The following TMTC1 variants were observed in gnomAD, a reference collection of about 807,000 sequenced individuals.
TMTC1 encodes the protein transmembrane O-mannosyltransferase targeting cadherins 1.
A neutral mutation model predicts 104.8 loss-of-function variants in TMTC1; 73 were observed. That is an observed-to-expected ratio of 0.70 (90% CI 0.58 to 0.85). The LOEUF (loss-of-function observed/expected upper bound fraction) is 0.85. Among genes scored for constraint, TMTC1 ranks in the 40% least tolerant of loss-of-function variants. The pLI, the probability that TMTC1 is intolerant of heterozygous loss-of-function variation, is 0.00. For missense variants in TMTC1, 1,035 were observed against 1,096.1 expected, an observed-to-expected ratio of 0.94 and a Z score of 0.79; for synonymous variants, 434 against 428.7, an observed-to-expected ratio of 1.01 and a Z score of -0.15.
chr12:29,705,382 C>A (rs1190975986), intron 5 of TMTC1, among the ~76,000 whole-genome samples: 1 of 152,202 alleles, frequency 6.6e-6, no homozygotes, highest in African/African-American at 2.4e-5. Context: ...ACAGGAAAAG[C>A]TCTGAAAACA....
At chr12:29,671,907 G>C (rs756085407) in intron 5 of TMTC1, among the ~76,000 whole-genome samples, 4 of 152,196 alleles carry the variant, frequency 2.6e-5, no homozygotes, top group Non-Finnish European at 5.9e-5. Flanking sequence ...CAAGGGGAGA[G>C]GTGCCCCAGG....
At chr12:29,708,125 C>T (rs1941799992) in intron 5 of TMTC1, among the ~76,000 whole-genome samples, 3 of 152,144 alleles carry the variant, frequency 2.0e-5, no homozygotes, top group Non-Finnish European at 4.4e-5. Flanking sequence ...CAAGACAAGC[C>T]TTGACCTCCA....
Position 29,583,480 on chromosome 12 carries a change from A to G in TMTC1, c.1345T>C (p.Leu449=). 5.6e-6 allele frequency: 9 copies of G among 1,614,014 alleles called. No homozygotes were observed. Among genetic ancestry groups the G allele is most frequent in the Non-Finnish European group, 7.6e-6 (9 of 1,179,932 alleles). The change falls in exon 8 of 18, where the codon TTG becomes CTG. Residue 449 remains leucine, a synonymous_variant. Coordinates refer to ENST00000539277, the MANE Select transcript of TMTC1 (RefSeq NM_001193451.2). Reference sequence around the variant, plus strand: ...TTCCAAGAGAAAAGCAACAGCAGCAACACAGTGGACACAATCAGGGTGGTG... The same window carrying G: ...TTCCAAGAGAAAAGCAACAGCAGCAGCACAGTGGACACAATCAGGGTGGTG... ...GATTLIVSTV[L]LLLLFSWKTV...
intron 5 of TMTC1, among the ~76,000 whole-genome samples, chr12:29,694,045 C>G (rs1941340999): frequency 6.6e-6 from 1 of 152,118 alleles, no homozygotes; most frequent in Non-Finnish European, 1.5e-5. Flanking sequence ...ATTGATAGAT[C>G]AAATATTAGC....
At chr12:29,599,626 C>T (rs1434382423) in intron 7 of TMTC1, among the ~76,000 whole-genome samples, 4 of 152,140 alleles carry the variant, frequency 2.6e-5, no homozygotes, top group Admixed American at 1.3e-4. Context: ...CCCCTGGGAT[C>T]GAAGGGATTC....
intron 10 of TMTC1, among the ~76,000 whole-genome samples, chr12:29,541,281 C>A (rs1467376843): frequency 3.3e-5 from 5 of 152,224 alleles, no homozygotes; most frequent in African/African-American, 1.2e-4. Context: ...ACTGCTAAGC[C>A]GCCTATCCAC....
chr12:29,511,975 G>A, intron 17 of TMTC1, 68 bp downstream of exon 17: 1 of 1,411,654 alleles, frequency 7.1e-7, no homozygotes, highest in South Asian at 1.1e-5. Context: ...AATCCTTTAA[G>A]AAAGAAGACA....
At chr12:29,564,324 T>C (rs988315828) in intron 9 of TMTC1, among the ~76,000 whole-genome samples, 2 of 152,058 alleles carry the variant, frequency 1.3e-5, no homozygotes, top group African/African-American at 2.4e-5. Context: ...CTAACAAGCC[T>C]TTGGGACTGA....
chr12:29,646,150 C>G (rs1004113685), intron 5 of TMTC1, among the ~76,000 whole-genome samples: 1 of 152,100 alleles, frequency 6.6e-6, no homozygotes, highest in African/African-American at 2.4e-5. Flanking sequence ...GAGAAGCACC[C>G]GCCTGAGACC....
At chr12:29,672,700 A>G (rs908382190) in intron 5 of TMTC1, among the ~76,000 whole-genome samples, 13 of 152,110 alleles carry the variant, frequency 8.5e-5, no homozygotes, top group African/African-American at 3.1e-4. Flanking sequence ...ACGACAATAA[A>G]TCCAGAAGCT....
At chr12:29,660,682 G>C (rs528965732) in intron 5 of TMTC1, 11 of 301,888 alleles carry the variant, frequency 3.6e-5, no homozygotes, top group Non-Finnish European at 5.7e-5. Context: ...CCAATGTCAT[G>C]ATGTTAGAGT....
At chr12:29,745,618 CAAAAAAAAAA>C (rs71444341) in intron 5 of TMTC1, among the ~76,000 whole-genome samples, 1 of 84,574 alleles carries the variant, frequency 1.2e-5, no homozygotes, top group Non-Finnish European at 2.2e-5. Flanking sequence ...GAGACTCAAT[CAAAAAAAAAA>C]AAAAAAAAAA....
chr12:29,632,383 T>A (rs575941429), intron 6 of TMTC1, among the ~76,000 whole-genome samples: 5 of 152,264 alleles, frequency 3.3e-5, no homozygotes, highest in Admixed American at 3.3e-4. Context: ...GTTGTGGGGA[T>A]CAGGTGGAGA....
intron 5 of TMTC1, among the ~76,000 whole-genome samples, chr12:29,687,573 G>A (rs1264087256): frequency 6.6e-6 from 1 of 152,198 alleles, no homozygotes; most frequent in African/African-American, 2.4e-5. Context: ...TTGATCTGTA[G>A]TACTGTTGCA....
chr12:29,710,976 A>G (rs1191232824), intron 5 of TMTC1, among the ~76,000 whole-genome samples: 3 of 57,892 alleles, frequency 5.2e-5, no homozygotes, highest in Non-Finnish European at 1.4e-4. Flanking sequence ...ATAATATATA[A>G]ATATATATAT....
chr12:29,521,562 C>A (rs1267893512), intron 11 of TMTC1, among the ~76,000 whole-genome samples: 1 of 99,022 alleles, frequency 1.0e-5, no homozygotes, highest in Non-Finnish European at 2.0e-5. Context: ...CTTTTTCTTT[C>A]TTTCTTTTTT....
chr12:29,696,761 A>T (rs1202188841), intron 5 of TMTC1, among the ~76,000 whole-genome samples: 1 of 152,202 alleles, frequency 6.6e-6, no homozygotes, highest in Non-Finnish European at 1.5e-5. Flanking sequence ...AATAGAAGAA[A>T]GAAACCTAAT....
chr12:29,574,265 A>C (rs1945761175), intron 8 of TMTC1, among the ~76,000 whole-genome samples: 2 of 152,148 alleles, frequency 1.3e-5, no homozygotes. Context: ...TTGTCTACCA[A>C]AATAAATCAT....
At chr12:29,640,759 G>A (rs1565730537) in intron 5 of TMTC1, 1 of 152,316 alleles carries the variant, frequency 6.6e-6, no homozygotes, top group African/African-American at 2.4e-5. Context: ...TGAACGGGGT[G>A]AGAAGCCTCC....
Sources: allele counts gnomAD v4.1 joint callset (sites outside exome capture counted in the v4.1 genomes callset), GRCh38; gene constraint gnomAD v4.1.1; transcripts MANE v1.5; gene names NCBI Gene and HGNC (gene_info 2026-07-23, HGNC 2026-07-21).